RIMKLB: variants seen among roughly 807,000 people sequenced by gnomAD.
RIMKLB encodes beta-citrylglutamate synthase B.
A neutral mutation model predicts 32.0 loss-of-function variants in RIMKLB; 7 were observed. The observed-to-expected ratio is 0.22, with a 90% CI of 0.12 to 0.41. RIMKLB has a LOEUF of 0.41. Among genes scored for constraint, RIMKLB ranks in the 10% least tolerant of loss-of-function variants. RIMKLB has a pLI of 1.00. For synonymous variants in RIMKLB, 172 were observed against 185.1 expected (o/e 0.93, Z 0.57); for missense variants, 289 against 498.7 (o/e 0.58, Z 4.00).
chr12:8,705,000 A>ACACACACACAC (rs1178112609), intron 1 of RIMKLB, among the ~76,000 whole-genome samples: 1 of 150,952 alleles, frequency 6.6e-6, no homozygotes, highest in African/African-American at 2.5e-5. Flanking sequence ...ACACACACAC[A>ACACACACACAC]AAACCCCAAA....
At chr12:8,772,759 C>T (rs781089093) in intron 5 of RIMKLB, among the ~76,000 whole-genome samples, 31 of 152,240 alleles carry the variant, frequency 2.0e-4, no homozygotes, top group Non-Finnish European at 3.8e-4. Flanking sequence ...CTTCGTGAAG[C>T]TGATCTCCAA....
chr12:8,757,831 T>A (rs1199230409), intron 5 of RIMKLB, among the ~76,000 whole-genome samples: 1 of 152,244 alleles, frequency 6.6e-6, no homozygotes. Flanking sequence ...GCCAAATGAT[T>A]CTCCAAAGTG....
intron 2 of RIMKLB, among the ~76,000 whole-genome samples, chr12:8,726,187 T>G (rs140798547): frequency 3.4e-4 from 52 of 152,338 alleles, no homozygotes; most frequent in Non-Finnish European, 5.4e-4. Context: ...CAATGAGAGT[T>G]CCTGTTGTTG....
intron 1 of RIMKLB, among the ~76,000 whole-genome samples, chr12:8,683,588 T>A (rs899626252): frequency 1.3e-5 from 2 of 152,230 alleles, no homozygotes; most frequent in Admixed American, 6.5e-5. Context: ...TTGCCCATTT[T>A]AAAAATTTAG....
chr12:8,717,057 CTTTTTTTTTTTTCTT>C, intron 2 of RIMKLB, among the ~76,000 whole-genome samples: 1 of 125,018 alleles, frequency 8.0e-6, no homozygotes, highest in East Asian at 2.3e-4. Context: ...GAGGGTTTTT[CTTTTTTTTTTTTCTT>C]TTTTTTTTTA....
At chr12:8,759,936 A>G (rs1460959633) in intron 5 of RIMKLB, among the ~76,000 whole-genome samples, 1 of 152,200 alleles carries the variant, frequency 6.6e-6, no homozygotes, top group East Asian at 1.9e-4. Flanking sequence ...CCATCTTGGC[A>G]TCTTTATTTT....
intron 1 of RIMKLB, among the ~76,000 whole-genome samples, chr12:8,709,615 C>T (rs377109287): frequency 1.3e-5 from 2 of 152,174 alleles, no homozygotes; most frequent in East Asian, 1.9e-4. Flanking sequence ...GCTTGGGCAC[C>T]GAGGAAGGCT....
intron 2 of RIMKLB, among the ~76,000 whole-genome samples, chr12:8,720,544 T>C (rs1945334843): frequency 6.6e-6 from 1 of 152,138 alleles, no homozygotes; most frequent in Non-Finnish European, 1.5e-5. Flanking sequence ...TCATTATCCC[T>C]CGTGTGTGTG....
chr12:8,749,012 A>G (rs1217854762), intron 2 of RIMKLB, among the ~76,000 whole-genome samples: 2 of 152,210 alleles, frequency 1.3e-5, no homozygotes, highest in Non-Finnish European at 2.9e-5. Flanking sequence ...GGTATTGGAT[A>G]AATGTTCAAG....
At chr12:8,723,606 G>T (rs976836198) in intron 2 of RIMKLB, among the ~76,000 whole-genome samples, 2 of 152,070 alleles carry the variant, frequency 1.3e-5, no homozygotes, top group East Asian at 3.9e-4. Context: ...ATAAAATGAG[G>T]CATGCTTGTA....
Position 8,745,693 on chromosome 12 carries a change from C to CTT in RIMKLB, c.176-4152_176-4151dup, listed in dbSNP as rs754631863. Among the ~76,000 whole-genome samples, 171 of 136,074 alleles carry CTT rather than the reference C, an allele frequency of 1.3e-3. 3 individuals carry two copies. The highest frequency in any genetic ancestry group is 2.0e-3 in the Admixed American group (27 of 13,424). 89.3% of individuals were successfully genotyped at this position (136,074 alleles called of 152,430 possible). A position where few individuals can be genotyped will look rare whatever the true frequency, so the allele number is the denominator to read the frequency against. On this transcript the variant is annotated intron_variant, in intron 2 of 5. Transcript: ENST00000535829. Reference sequence around the variant, plus strand: ...ACAGGCGTGAGCCACTGCACCCAGCCTTTTTTTTTTTTTTTTTTAAACACA... The same window carrying CTT: ...ACAGGCGTGAGCCACTGCACCCAGCCTTTTTTTTTTTTTTTTTTTTAAACACA...
intron 5 of RIMKLB, among the ~76,000 whole-genome samples, chr12:8,760,442 C>T (rs969983916): frequency 1.3e-5 from 2 of 152,206 alleles, no homozygotes; most frequent in African/African-American, 4.8e-5. Context: ...CATTTATAAT[C>T]CTTTGGATAC....
At chr12:8,727,131 G>A (rs946886613) in intron 2 of RIMKLB, among the ~76,000 whole-genome samples, 2 of 152,148 alleles carry the variant, frequency 1.3e-5, no homozygotes, top group African/African-American at 4.8e-5. Context: ...AGTGTTATAT[G>A]TAACTGTATG....
intron 5 of RIMKLB, 141 bp downstream of exon 5, chr12:8,754,234 C>G: frequency 1.6e-6 from 1 of 633,784 alleles, no homozygotes; most frequent in Non-Finnish European, 2.8e-6. Context: ...GATTTTTACA[C>G]ATGCCATCAA....
upstream of RIMKLB, among the ~76,000 whole-genome samples, chr12:8,695,687 A>ATAGC (rs1358188125): frequency 2.0e-5 from 3 of 149,562 alleles, no homozygotes; most frequent in African/African-American, 7.4e-5. Context: ...AATAAATTGA[A>ATAGC]TAGCAACTTT....
At chr12:8,763,443 A>G (rs985041544) in intron 5 of RIMKLB, among the ~76,000 whole-genome samples, 2 of 152,204 alleles carry the variant, frequency 1.3e-5, no homozygotes, top group Non-Finnish European at 2.9e-5. Flanking sequence ...AGTGTATATA[A>G]TGGCCTGGCT....
chr12:8,764,592 C>T (rs532858927), intron 5 of RIMKLB, among the ~76,000 whole-genome samples: 1 of 152,052 alleles, frequency 6.6e-6, no homozygotes, highest in Non-Finnish European at 1.5e-5. Flanking sequence ...GTCCAGGAGA[C>T]AGTTAACCTC....
At chr12:8,760,068 T>A (rs1949385401) in intron 5 of RIMKLB, among the ~76,000 whole-genome samples, 1 of 152,184 alleles carries the variant, frequency 6.6e-6, no homozygotes, top group Non-Finnish European at 1.5e-5. Flanking sequence ...TTACATTAGG[T>A]ATATCTCCTA....
Position 8,709,120 on chromosome 12 carries a change from GTTATC to G in RIMKLB, c.-56-4686_-56-4682del, listed in dbSNP as rs1160735478. Among the ~76,000 whole-genome samples the G allele has an allele frequency of 5.9e-5, 9 of 152,296 alleles. No homozygotes were observed. In the East Asian group the frequency reaches 7.7e-4, roughly 13 times the overall value. The stretch of plus-strand genomic sequence containing the variant: ...CGCTACTGGAGAATATTTTCTTACA[GTTATC>G]TTATTGGGTAACCAAGTTTACTCCT... On this transcript the variant is annotated intron_variant, in intron 1 of 5. Transcript: ENST00000535829.
Sources: allele counts gnomAD v4.1 joint callset (sites outside exome capture counted in the v4.1 genomes callset), GRCh38; gene constraint gnomAD v4.1.1; transcripts MANE v1.5; gene names NCBI Gene and HGNC (gene_info 2026-07-23, HGNC 2026-07-21).